Variants in ROBO2 observed in about 807,000 individuals in gnomAD.
ROBO2 encodes roundabout guidance receptor 2, also known as roundabout homolog 2.
A neutral mutation model predicts 160.8 loss-of-function variants in ROBO2; 53 were observed. The observed-to-expected ratio is 0.33, with a 90% CI of 0.26 to 0.41. ROBO2 has a LOEUF of 0.41. Ranked by LOEUF, ROBO2 falls within the 10% of genes least tolerant of loss-of-function variation. The probability of loss-of-function intolerance (pLI) is 1.00; values close to 1 mark genes in which losing one functional copy is unlikely to be tolerated. For synonymous variants in ROBO2, 664 were observed against 611.7 expected, an observed-to-expected ratio of 1.09 and a Z score of -1.26; for missense variants, 1,577 against 1,722.4, an observed-to-expected ratio of 0.92 and a Z score of 1.49.
intron 4 of ROBO2, among the ~76,000 whole-genome samples, chr3:77,485,689 C>T (rs1560969959): frequency 6.6e-6 from 1 of 152,098 alleles, no homozygotes; most frequent in Non-Finnish European, 1.5e-5. Flanking sequence ...TTCCTCCTTA[C>T]TTATAGCATC....
chr3:77,192,650 C>CTTTTCTT (rs2081961823), intron 2 of ROBO2, among the ~76,000 whole-genome samples: 1 of 110,038 alleles, frequency 9.1e-6, no homozygotes, highest in African/African-American at 3.9e-5. Context: ...AACACAATTC[C>CTTTTCTT]TTTTTTTTTT....
At chr3:77,204,389 T>G (rs2083213796) in intron 2 of ROBO2, among the ~76,000 whole-genome samples, 3 of 152,370 alleles carry the variant, frequency 2.0e-5, no homozygotes, top group African/African-American at 7.2e-5. Flanking sequence ...AAATTATATT[T>G]GATGCTTAAT....
chr3:76,581,051 A>G (rs1215800089), intron 2 of ROBO2, among the ~76,000 whole-genome samples: 2 of 152,228 alleles, frequency 1.3e-5, no homozygotes, highest in Non-Finnish European at 2.9e-5. Flanking sequence ...TATGTAGCTC[A>G]TAAGAAAAAT....
chr3:76,468,129 T>G (rs947242435), intron 2 of ROBO2, among the ~76,000 whole-genome samples: 13 of 152,128 alleles, frequency 8.5e-5, no homozygotes, highest in African/African-American at 3.1e-4. Flanking sequence ...CTTATTCCTA[T>G]CATACAGAAA....
intron 2 of ROBO2, among the ~76,000 whole-genome samples, chr3:76,279,207 T>C (rs562938457): frequency 1.3e-5 from 2 of 151,570 alleles, no homozygotes; most frequent in Non-Finnish European, 2.9e-5. Flanking sequence ...TCACTTTTTT[T>C]GGGGAAATTT....
intron 2 of ROBO2, among the ~76,000 whole-genome samples, chr3:77,444,744 C>A (rs1475164395): frequency 6.6e-6 from 1 of 152,082 alleles, no homozygotes; most frequent in African/African-American, 2.4e-5. Context: ...AAGAACACAT[C>A]TGTTTATCCC....
At chr3:76,025,673 CATT>C (rs1268091022) in intron 2 of ROBO2, among the ~76,000 whole-genome samples, 1 of 151,710 alleles carries the variant, frequency 6.6e-6, no homozygotes, top group Non-Finnish European at 1.5e-5. Context: ...GGAATGATCA[CATT>C]GTTGTAAAGA....
chr3:77,331,363 T>G (rs1018664316), intron 2 of ROBO2, among the ~76,000 whole-genome samples: 1 of 152,188 alleles, frequency 6.6e-6, no homozygotes, highest in African/African-American at 2.4e-5. Context: ...ATGTGAAGCC[T>G]TTTACAGTTT....
chr3:77,372,534 T>G (rs1581430333), intron 2 of ROBO2, among the ~76,000 whole-genome samples: 1 of 152,162 alleles, frequency 6.6e-6, no homozygotes, highest in East Asian at 1.9e-4. Context: ...GCATAAAACA[T>G]AACCATCAGT....
intron 2 of ROBO2, among the ~76,000 whole-genome samples, chr3:77,260,807 C>T (rs4683989): frequency 0.5 from 75,933 of 151,986 alleles, 20,238 homozygotes; most frequent in Middle Eastern, 0.7. Context: ...AATGATTGTG[C>T]GACGTCCCTA....
At chr3:77,230,762 GA>G (rs1224634896) in intron 2 of ROBO2, among the ~76,000 whole-genome samples, 20 of 152,164 alleles carry the variant, frequency 1.3e-4, no homozygotes, top group Non-Finnish European at 1.5e-4. Context: ...ATTAAATTGA[GA>G]AAGACATTGA....
intron 2 of ROBO2, among the ~76,000 whole-genome samples, chr3:77,336,505 T>C (rs1203316845): frequency 6.6e-6 from 1 of 152,056 alleles, no homozygotes; most frequent in African/African-American, 2.4e-5. Flanking sequence ...CTTTCTCCTC[T>C]TCCTCTTTCT....
At chr3:76,364,193 A>T (rs996973913) in intron 2 of ROBO2, among the ~76,000 whole-genome samples, 2 of 151,550 alleles carry the variant, frequency 1.3e-5, no homozygotes, top group African/African-American at 2.4e-5. Flanking sequence ...CCTCTCAGAG[A>T]CTCCCTCTTG....
intron 14 of ROBO2, among the ~76,000 whole-genome samples, chr3:77,575,339 TAATA>T (rs2153671255): frequency 6.6e-6 from 1 of 152,210 alleles, no homozygotes; most frequent in South Asian, 2.1e-4. Flanking sequence ...AAGAGGCTTA[TAATA>T]AATGTTGTCA....
At chr3:77,550,469 T>G (rs1419331075) in intron 7 of ROBO2, among the ~76,000 whole-genome samples, 2 of 151,978 alleles carry the variant, frequency 1.3e-5, no homozygotes, top group Non-Finnish European at 2.9e-5. Flanking sequence ...AGTAGTTGAG[T>G]CAGATAAGAA....
chr3:76,394,594 G>A (rs2077328884), intron 2 of ROBO2, among the ~76,000 whole-genome samples: 1 of 152,118 alleles, frequency 6.6e-6, no homozygotes, highest in Admixed American at 6.6e-5. Flanking sequence ...TGACAATTAT[G>A]TGTCTTGGAG....
At chr3:76,589,041 G>C (rs1437685270) in intron 2 of ROBO2, among the ~76,000 whole-genome samples, 1 of 152,076 alleles carries the variant, frequency 6.6e-6, no homozygotes, top group Non-Finnish European at 1.5e-5. Flanking sequence ...ATCTTGATTT[G>C]AACACCCTGT....
chr3:76,658,511 G>A (rs567834163), intron 2 of ROBO2, among the ~76,000 whole-genome samples: 24 of 151,970 alleles, frequency 1.6e-4, no homozygotes, highest in African/African-American at 3.6e-4. Context: ...AACAGGCCCC[G>A]GCATGTGATG....
At chr3:76,233,570 A>G (rs1198065547) in intron 2 of ROBO2, among the ~76,000 whole-genome samples, 2 of 152,150 alleles carry the variant, frequency 1.3e-5, no homozygotes, top group Non-Finnish European at 2.9e-5. Context: ...CTCCCATTTG[A>G]AAGTCCAGCA....
Sources: gnomAD v4.1 joint callset for allele counts (sites outside exome capture counted in the v4.1 genomes callset) on GRCh38, gnomAD v4.1.1 for gene constraint, MANE v1.5 for transcripts, NCBI Gene and HGNC (gene_info 2026-07-23, HGNC 2026-07-21) for gene names.